RBFOX1: variants seen among roughly 807,000 people sequenced by gnomAD.
RBFOX1 encodes RNA binding protein fox-1 homolog 1.
A neutral mutation model predicts 57.7 loss-of-function variants in RBFOX1; 8 were observed. The ratio of observed to expected loss-of-function variants is 0.14; its 90% CI spans 0.08 to 0.25. The LOEUF is 0.25. Among genes scored for constraint, RBFOX1 ranks in the 10% least tolerant of loss-of-function variants. The pLI, the probability that RBFOX1 is intolerant of heterozygous loss-of-function variation, is 1.00. For missense variants in RBFOX1, 611 were observed against 548.5 expected (o/e 1.11, Z -1.14); for synonymous variants, 326 against 222.4 (o/e 1.47, Z -4.15).
chr16:6,586,329 C>G (rs2097616678), intron 2 of RBFOX1, among the ~76,000 whole-genome samples: 1 of 152,140 alleles, frequency 6.6e-6, no homozygotes, highest in Non-Finnish European at 1.5e-5. Flanking sequence ...ACATTCATTC[C>G]TAAGATACCT....
rs1478589505 is a variant in RBFOX1 at position 7,506,214 on chromosome 16, AAAAT to A, written c.28-11932_28-11929del. 4.1e-5 allele frequency among the ~76,000 whole-genome samples: 6 copies of A among 146,540 alleles called. 1 individual carries two copies. Among genetic ancestry groups the A allele is most frequent in the African/African-American group, 1.6e-4 (6 of 37,730 alleles). ...AAAAAAAAAAAAAAAAAAAAAAAAAAAAATTTCTGTAAGCTGGCATAGTTACCAG... is the reference window on the plus strand; with the variant it reads ...AAAAAAAAAAAAAAAAAAAAAAAAAATTCTGTAAGCTGGCATAGTTACCAG... On this transcript the variant is annotated intron_variant, in intron 4 of 15. Coordinates refer to ENST00000550418, the MANE Select transcript of RBFOX1 (RefSeq NM_018723.4).
chr16:7,579,027 C>T (rs1209631430), intron 5 of RBFOX1, among the ~76,000 whole-genome samples: 4 of 152,186 alleles, frequency 2.6e-5, no homozygotes, highest in African/African-American at 7.2e-5. Context: ...GAGATGGAAA[C>T]GTTCTGTATT....
chr16:5,990,277 C>A (rs745963328), intron 4 of RBFOX1, among the ~76,000 whole-genome samples: 1 of 152,126 alleles, frequency 6.6e-6, no homozygotes, highest in Non-Finnish European at 1.5e-5. Flanking sequence ...AGGCATGAGC[C>A]CACTGTACCC....
chr16:6,710,949 A>G (rs148393733), intron 3 of RBFOX1, among the ~76,000 whole-genome samples: 27 of 152,228 alleles, frequency 1.8e-4, no homozygotes, highest in African/African-American at 6.0e-4. Flanking sequence ...TGAAGGCTAC[A>G]TGTAACGGGA....
chr16:5,667,476 G>C (rs182843094), intron 3 of RBFOX1, among the ~76,000 whole-genome samples: 32 of 152,300 alleles, frequency 2.1e-4, no homozygotes, highest in Non-Finnish European at 3.8e-4. Flanking sequence ...TTTGGGATTG[G>C]TTTTGGGTTA....
intron 14 of RBFOX1, among the ~76,000 whole-genome samples, chr16:7,689,877 G>C (rs561350926): frequency 1.3e-3 from 200 of 152,174 alleles, no homozygotes; most frequent in Non-Finnish European, 2.2e-3. Context: ...CTCTTAGAAG[G>C]CATCTAGAAA....
intron 4 of RBFOX1, among the ~76,000 whole-genome samples, chr16:5,925,505 G>T (rs76147261): frequency 0.15 from 22,221 of 152,182 alleles, 2,129 homozygotes; most frequent in Non-Finnish European, 0.21. Context: ...ACTTGGACGT[G>T]ATTCGTGGAA....
chr16:7,475,495 T>C (rs538596775), intron 4 of RBFOX1, among the ~76,000 whole-genome samples: 1 of 152,136 alleles, frequency 6.6e-6, no homozygotes, highest in Non-Finnish European at 1.5e-5. Flanking sequence ...TTTGTATTTT[T>C]AGTAGAGACG....
At chr16:5,625,449 T>A (rs2048320686) in intron 3 of RBFOX1, among the ~76,000 whole-genome samples, 1 of 152,196 alleles carries the variant, frequency 6.6e-6, no homozygotes, top group Admixed American at 6.5e-5. Flanking sequence ...GGATTTGAAC[T>A]CACTGGTGTG....
At chr16:7,032,196 G>A (rs546738329) in intron 3 of RBFOX1, among the ~76,000 whole-genome samples, 3 of 152,124 alleles carry the variant, frequency 2.0e-5, no homozygotes, top group East Asian at 1.9e-4. Flanking sequence ...AGGCCAAGGC[G>A]GGCGGATCGC....
At chr16:7,057,192 A>C (rs558733083) in intron 4 of RBFOX1, among the ~76,000 whole-genome samples, 8 of 152,300 alleles carry the variant, frequency 5.3e-5, no homozygotes, top group African/African-American at 1.4e-4. Flanking sequence ...AGGAAAGACA[A>C]CATAAAGGGC....
downstream of RBFOX1, among the ~76,000 whole-genome samples, chr16:5,603,728 G>A (rs2047448954): frequency 6.6e-6 from 1 of 152,160 alleles, no homozygotes; most frequent in Non-Finnish European, 1.5e-5. Context: ...AAACATACCT[G>A]TCTTTAAACA....
intron 1 of RBFOX1, among the ~76,000 whole-genome samples, chr16:6,229,911 C>T (rs547217330): frequency 1.3e-4 from 20 of 151,754 alleles, no homozygotes; most frequent in Middle Eastern, 3.4e-3. Flanking sequence ...TATTTGTCCT[C>T]GCGAAAGTGA....
intron 3 of RBFOX1, among the ~76,000 whole-genome samples, chr16:6,893,522 C>G (rs1050459418): frequency 6.6e-6 from 1 of 152,096 alleles, no homozygotes; most frequent in African/African-American, 2.4e-5. Flanking sequence ...CTATGCTGAG[C>G]TCAGAAAGTG....
rs187308792 is a variant in RBFOX1, at chr16:7,424,638, C to T, written c.28-93509C>T. Among the ~76,000 whole-genome samples the T allele has an allele frequency of 1.4e-4, 22 of 152,224 alleles. No individual in the cohort carries two copies. The South Asian group carries it at 2.9e-3, about 20-fold the overall frequency. The stretch of plus-strand genomic sequence containing the variant: ...TTACATCATAGCTGTTCACAAGGTA[C>T]ATAATGCATTTATTTTGTTTCTTAT... On this transcript the variant is annotated intron_variant, in intron 4 of 15. Coordinates refer to ENST00000550418, the MANE Select transcript of RBFOX1 (RefSeq NM_018723.4).
intron 4 of RBFOX1, among the ~76,000 whole-genome samples, chr16:5,875,703 A>G (rs1217257078): frequency 6.6e-6 from 1 of 152,174 alleles, no homozygotes; most frequent in Non-Finnish European, 1.5e-5. Flanking sequence ...CATTCCTAAG[A>G]GTGTTTCAGA....
intron 4 of RBFOX1, among the ~76,000 whole-genome samples, chr16:7,261,099 G>A (rs1052989897): frequency 2.6e-5 from 4 of 152,256 alleles, no homozygotes; most frequent in African/African-American, 9.6e-5. Flanking sequence ...AGGGACAATG[G>A]CATCAAGTCA....
chr16:6,885,095 C>G (rs1195887300), intron 3 of RBFOX1, among the ~76,000 whole-genome samples: 1 of 152,096 alleles, frequency 6.6e-6, no homozygotes, highest in East Asian at 1.9e-4. Flanking sequence ...CAGATCAAAC[C>G]AGGACTGCTC....
intron 3 of RBFOX1, among the ~76,000 whole-genome samples, chr16:7,002,431 TTC>T (rs2092906053): frequency 6.6e-6 from 1 of 152,180 alleles, no homozygotes; most frequent in African/African-American, 2.4e-5. Context: ...TTCAACTATT[TTC>T]GCTGGGCGCG....
Sources: gnomAD v4.1 joint callset for allele counts (sites outside exome capture counted in the v4.1 genomes callset) on GRCh38, gnomAD v4.1.1 for gene constraint, MANE v1.5 for transcripts, NCBI Gene and HGNC (gene_info 2026-07-23, HGNC 2026-07-21) for gene names.